The following PIK3R3 variants were observed in gnomAD, a reference collection of about 807,000 sequenced individuals.
The protein encoded by PIK3R3 is phosphoinositide-3-kinase regulatory subunit 3, also known as phosphatidylinositol 3-kinase regulatory subunit gamma.
In PIK3R3, 64 loss-of-function variants were observed where a neutral mutation model predicts 62.9. The ratio of observed to expected loss-of-function variants is 1.02; its 90% CI spans 0.83 to 1.25. The LOEUF (loss-of-function observed/expected upper bound fraction) is 1.25. PIK3R3 is among the 50% of genes most tolerant of loss of function. The pLI is 0.00. For missense variants in PIK3R3, 614 were observed against 561.6 expected, an observed-to-expected ratio of 1.09 and a Z score of -0.94; for synonymous variants, 165 against 189.0, an observed-to-expected ratio of 0.87 and a Z score of 1.04.
upstream of PIK3R3, chr1:46,132,883 G>C (rs1655753100): frequency 8.4e-7 from 1 of 1,192,972 alleles, no homozygotes; most frequent in African/African-American, 1.6e-5. Flanking sequence ...TCCCCAATCA[G>C]CCATCCGCGC....
chr1:46,053,121 C>T (rs1269430014), intron 7 of PIK3R3, among the ~76,000 whole-genome samples: 2 of 152,130 alleles, frequency 1.3e-5, no homozygotes, highest in African/African-American at 4.8e-5. Flanking sequence ...CTGAACTATT[C>T]TCCTGGAAGC....
chr1:46,101,470 A>G (rs1484713988), intron 1 of PIK3R3, among the ~76,000 whole-genome samples: 2 of 152,152 alleles, frequency 1.3e-5, no homozygotes, highest in African/African-American at 2.4e-5. Flanking sequence ...ACGCCACTGC[A>G]CTCCAGCCTT....
At chr1:46,155,594 C>A in the PIK3R3 span, among the ~76,000 whole-genome samples, 1 of 151,958 alleles carries the variant, frequency 6.6e-6, no homozygotes, top group Non-Finnish European at 1.5e-5. Context: ...ACTACAGGCA[C>A]GTGCCAGCAC....
chr1:46,071,159 T>C (rs1329125175), intron 3 of PIK3R3, among the ~76,000 whole-genome samples: 1 of 152,102 alleles, frequency 6.6e-6, no homozygotes, highest in Non-Finnish European at 1.5e-5. Flanking sequence ...TTGATGAAAT[T>C]ATTATTTTCT....
In PIK3R3 at chr1:46,040,348, A is replaced by C. The variant is rs1162837283; in HGVS notation, c.*3325T>G. ...TAGCAACTACATTATGAACTGTCCC[A>C]TCACAAGACATACAGTTGGCTTTCT... On this transcript the variant is annotated 3_prime_UTR_variant, in exon 10 of 10. Transcript: ENST00000262741. 4.3e-6 allele frequency: 1 copy of C among 231,686 alleles called. No individual in the cohort carries two copies. The highest frequency in any genetic ancestry group is 8.6e-6 in the Non-Finnish European group (1 of 116,794). The allele number at this position is 231,686 out of a possible 1,614,324, so 14.4% of individuals were successfully genotyped here.
At chr1:46,084,178 T>G (rs1416389552) in intron 1 of PIK3R3, among the ~76,000 whole-genome samples, 1 of 152,190 alleles carries the variant, frequency 6.6e-6, no homozygotes, top group African/African-American at 2.4e-5. Context: ...AGGCCAAATA[T>G]TATATAATCC....
intron 7 of PIK3R3, among the ~76,000 whole-genome samples, chr1:46,055,570 T>C (rs1007219193): frequency 5.9e-5 from 9 of 152,248 alleles, no homozygotes; most frequent in Admixed American, 5.9e-4. Context: ...TCCAAGGCAT[T>C]TGTATGGATC....
At chr1:46,156,991 CTTCT>C in the PIK3R3 span, among the ~76,000 whole-genome samples, 1 of 152,222 alleles carries the variant, frequency 6.6e-6, no homozygotes, top group Non-Finnish European at 1.5e-5. Flanking sequence ...CACAGGACTC[CTTCT>C]ATCTGTCAAT....
chr1:46,109,033 C>T (rs1653475226), intron 1 of PIK3R3, among the ~76,000 whole-genome samples: 1 of 152,068 alleles, frequency 6.6e-6, no homozygotes, highest in African/African-American at 2.4e-5. Context: ...GTAGTGAGCG[C>T]CTATAGTCCC....
Position 46,132,577 on chromosome 1 carries a change from C to T in PIK3R3, c.-625G>A, listed in dbSNP as rs181356616. On this transcript the variant is annotated 5_prime_UTR_variant, in exon 1 of 10. Transcript: ENST00000262741. ...TCAGCTCGGCTTGTCTGGGCGCTCCCGCCGGGGTGTAAGAACCAACCCGAC... is the reference window on the plus strand; with the variant it reads ...TCAGCTCGGCTTGTCTGGGCGCTCCTGCCGGGGTGTAAGAACCAACCCGAC... 8.9e-5 allele frequency: 115 copies of T among 1,286,562 alleles called. No individual in the cohort carries two copies. The Admixed American group carries it at 1.4e-3, about 15-fold the overall frequency. The allele number at this position is 1,286,562 out of a possible 1,614,324, so 79.7% of individuals were successfully genotyped here.
intron 1 of PIK3R3, among the ~76,000 whole-genome samples, chr1:46,118,078 A>G (rs905826275): frequency 2.0e-5 from 3 of 152,230 alleles, no homozygotes; most frequent in Non-Finnish European, 4.4e-5. Flanking sequence ...CCAGTCACGC[A>G]CACACAAAAA....
the PIK3R3 span, among the ~76,000 whole-genome samples, chr1:46,157,951 T>C: frequency 1.3e-5 from 2 of 152,232 alleles, no homozygotes; most frequent in Non-Finnish European, 2.9e-5. Context: ...TTTATTGCAA[T>C]CGTATTTGGG....
chr1:46,063,741 T>A (rs1648735907), intron 5 of PIK3R3, among the ~76,000 whole-genome samples: 1 of 152,156 alleles, frequency 6.6e-6, no homozygotes, highest in Non-Finnish European at 1.5e-5. Flanking sequence ...GGGTCTCAGC[T>A]CCCCTTCCTT....
At chr1:46,128,535 C>T (rs1158643844) in intron 1 of PIK3R3, among the ~76,000 whole-genome samples, 1 of 152,186 alleles carries the variant, frequency 6.6e-6, no homozygotes, top group Non-Finnish European at 1.5e-5. Flanking sequence ...TTATTTAGCC[C>T]TAGGCTACTA....
chr1:46,139,508 T>C, the PIK3R3 span, among the ~76,000 whole-genome samples: 4 of 152,108 alleles, frequency 2.6e-5, no homozygotes, highest in South Asian at 8.3e-4. Flanking sequence ...GGTTTCACCA[T>C]GTTGACCAGG....
intron 1 of PIK3R3, among the ~76,000 whole-genome samples, chr1:46,097,016 A>G (rs1407390688): frequency 6.6e-6 from 1 of 152,016 alleles, no homozygotes; most frequent in East Asian, 1.9e-4. Flanking sequence ...GGAAAAAACT[A>G]CAGGCCAATA....
intron 1 of PIK3R3, among the ~76,000 whole-genome samples, chr1:46,084,742 T>C (rs1274582207): frequency 2.6e-5 from 4 of 152,132 alleles, no homozygotes. Context: ...CACATAGAAA[T>C]ACCTAACTAT....
intron 3 of PIK3R3, among the ~76,000 whole-genome samples, chr1:46,075,426 G>A (rs576866617): frequency 6.6e-6 from 1 of 152,188 alleles, no homozygotes. Context: ...ACCAGCCTGG[G>A]CAACACAGGG....
chr1:46,171,761 C>T, the PIK3R3 span, among the ~76,000 whole-genome samples: 4 of 151,970 alleles, frequency 2.6e-5, no homozygotes, highest in African/African-American at 4.8e-5. Flanking sequence ...GCCACAGAGG[C>T]GAAGAGAGGG....
Sources: gnomAD v4.1 joint callset for allele counts (sites outside exome capture counted in the v4.1 genomes callset) on GRCh38, gnomAD v4.1.1 for gene constraint, MANE v1.5 for transcripts, NCBI Gene and HGNC (gene_info 2026-07-23, HGNC 2026-07-21) for gene names.